Variants in SPOCK1 observed in about 807,000 individuals in gnomAD.
SPOCK1 encodes the protein SPARC (osteonectin), cwcv and kazal like domains proteoglycan 1, also known as testican-1.
Under a neutral mutation model 55.3 loss-of-function variants are expected in SPOCK1, and 23 were observed. That is an observed-to-expected ratio of 0.42 (90% CI 0.30 to 0.59). The LOEUF (loss-of-function observed/expected upper bound fraction) is 0.59, where lower values mean the gene tolerates loss of function less well. Ranked by LOEUF, SPOCK1 falls within the 20% of genes least tolerant of loss-of-function variation. The pLI, the probability that SPOCK1 is intolerant of heterozygous loss-of-function variation, is 0.22. For missense variants in SPOCK1, 499 were observed against 552.5 expected (o/e 0.90, Z 0.97); for synonymous variants, 226 against 221.0 (o/e 1.02, Z -0.20).
In SPOCK1 at chr5:136,975,549, G is replaced by A. The variant is rs759967741; in HGVS notation, c.*3105C>T. 1 of 152,384 alleles carries A rather than the reference G, an allele frequency of 6.6e-6. No homozygotes were observed. The highest frequency in any genetic ancestry group is 2.4e-5 in the African/African-American group (1 of 41,414). 9.4% of individuals were successfully genotyped at this position (152,384 alleles called of 1,614,324 possible). On this transcript the variant is annotated 3_prime_UTR_variant, in exon 11 of 11. Coordinates refer to ENST00000394945, the MANE Select transcript of SPOCK1 (RefSeq NM_004598.4). Reference sequence around the variant, plus strand: ...AACAGGAACAAACATCAGTGACTTTGAGAAAAAGTTATAAAAAGACCAAAA... The same window carrying A: ...AACAGGAACAAACATCAGTGACTTTAAGAAAAAGTTATAAAAAGACCAAAA...
chr5:137,365,846 T>A (rs1434333373), intron 2 of SPOCK1, among the ~76,000 whole-genome samples: 3 of 152,246 alleles, frequency 2.0e-5, no homozygotes, highest in African/African-American at 7.2e-5. Flanking sequence ...ATCAAAGCTG[T>A]TTTTGTAACT....
chr5:137,252,670 TGA>T (rs957842537), intron 3 of SPOCK1, among the ~76,000 whole-genome samples: 7 of 152,236 alleles, frequency 4.6e-5, no homozygotes, highest in African/African-American at 1.7e-4. Context: ...CCTCTTCATC[TGA>T]GAGTGGTAGG....
At chr5:137,123,873 T>G (rs757424) in intron 4 of SPOCK1, among the ~76,000 whole-genome samples, 1 of 151,806 alleles carries the variant, frequency 6.6e-6, no homozygotes, top group Admixed American at 6.6e-5. Context: ...ATGAGATAGA[T>G]CCACAAAAAT....
chr5:137,075,026 A>C (rs572402285), intron 5 of SPOCK1, among the ~76,000 whole-genome samples: 5 of 152,118 alleles, frequency 3.3e-5, no homozygotes, highest in African/African-American at 1.2e-4. Flanking sequence ...TTTAGTACAG[A>C]CCGGGTTTCA....
At chr5:137,283,005 T>C (rs1757195136) in intron 2 of SPOCK1, among the ~76,000 whole-genome samples, 1 of 152,188 alleles carries the variant, frequency 6.6e-6, no homozygotes, top group Admixed American at 6.5e-5. Context: ...ACAATCCAAC[T>C]GCAAGTGTGC....
At chr5:137,191,088 C>G (rs1290902046) in intron 3 of SPOCK1, among the ~76,000 whole-genome samples, 1 of 152,144 alleles carries the variant, frequency 6.6e-6, no homozygotes, top group Non-Finnish European at 1.5e-5. Flanking sequence ...ATTCTTCTGT[C>G]TTATTTTCCC....
Position 137,497,527 on chromosome 5 carries a change from C to T in SPOCK1, c.186+846G>A, listed in dbSNP as rs779785081. 3.9e-5 allele frequency among the ~76,000 whole-genome samples: 6 copies of T among 152,298 alleles called. No homozygotes were observed. In the East Asian group the frequency reaches 5.8e-4, roughly 15 times the overall value. On this transcript the variant is annotated intron_variant, in intron 2 of 10. Coordinates refer to ENST00000394945, the MANE Select transcript of SPOCK1 (RefSeq NM_004598.4). ...GGCAGTCCTTGAAGAAGCTGGCAGA[C>T]GCTCCCACAGAACAGAGGAGATGCC...
At chr5:137,097,141 G>A (rs777859900) in intron 5 of SPOCK1, among the ~76,000 whole-genome samples, 5 of 127,172 alleles carry the variant, frequency 3.9e-5, no homozygotes, top group Admixed American at 8.2e-5. Flanking sequence ...CTTACACACA[G>A]GGAGGAGCTG....
intron 2 of SPOCK1, among the ~76,000 whole-genome samples, chr5:137,469,839 C>A (rs1473349168): frequency 1.3e-5 from 2 of 152,116 alleles, no homozygotes; most frequent in Non-Finnish European, 2.9e-5. Flanking sequence ...CACCCCCACC[C>A]AAGAGGCTAT....
chr5:137,220,356 C>A (rs547822376), intron 3 of SPOCK1, among the ~76,000 whole-genome samples: 1 of 152,180 alleles, frequency 6.6e-6, no homozygotes, highest in Admixed American at 6.5e-5. Flanking sequence ...CAGTGCCCCC[C>A]AGGATGCATT....
chr5:137,307,980 T>C (rs1372270360), intron 2 of SPOCK1, among the ~76,000 whole-genome samples: 1 of 152,206 alleles, frequency 6.6e-6, no homozygotes, highest in African/African-American at 2.4e-5. Context: ...GAAATGAATG[T>C]GATGCCATGA....
At chr5:137,308,179 G>A (rs9327783) in intron 2 of SPOCK1, among the ~76,000 whole-genome samples, 44,293 of 152,034 alleles carry the variant, frequency 0.29, 7,383 homozygotes, top group African/African-American at 0.45. Context: ...TGCAGGGCAT[G>A]CAAAAGTACT....
chr5:137,319,201 C>T (rs73294937), intron 2 of SPOCK1, among the ~76,000 whole-genome samples: 6,156 of 152,294 alleles, frequency 0.04, 437 homozygotes, highest in African/African-American at 0.14. Context: ...AGCTGCCTCT[C>T]ATCAGAGAAC....
intron 2 of SPOCK1, among the ~76,000 whole-genome samples, chr5:137,306,314 A>G (rs116172696): frequency 8.9e-4 from 135 of 152,304 alleles, no homozygotes; most frequent in African/African-American, 3.1e-3. Context: ...TTAAAATGGA[A>G]GTTCTCATCC....
intron 2 of SPOCK1, among the ~76,000 whole-genome samples, chr5:137,328,650 A>G (rs777956358): frequency 4.6e-5 from 7 of 152,192 alleles, no homozygotes; most frequent in Non-Finnish European, 8.8e-5. Context: ...TATATGAATT[A>G]TTTAATTTTC....
At chr5:137,056,029 G>A (rs1021740239) in intron 6 of SPOCK1, among the ~76,000 whole-genome samples, 4 of 152,184 alleles carry the variant, frequency 2.6e-5, no homozygotes, top group African/African-American at 9.7e-5. Context: ...GTACATAAAT[G>A]TGCCTGGAAA....
intron 3 of SPOCK1, among the ~76,000 whole-genome samples, chr5:137,157,332 CATG>C (rs1754435651): frequency 6.6e-6 from 1 of 152,220 alleles, no homozygotes; most frequent in Non-Finnish European, 1.5e-5. Context: ...TGGCAAACAA[CATG>C]ATAACTTCTT....
chr5:137,051,441 G>A (rs1047910678), intron 6 of SPOCK1, among the ~76,000 whole-genome samples: 1 of 152,146 alleles, frequency 6.6e-6, no homozygotes, highest in Admixed American at 6.5e-5. Context: ...CATCAAACAT[G>A]AAAAATTCAA....
At chr5:137,364,387 A>G (rs1410323620) in intron 2 of SPOCK1, among the ~76,000 whole-genome samples, 4 of 152,202 alleles carry the variant, frequency 2.6e-5, no homozygotes, top group African/African-American at 9.6e-5. Flanking sequence ...TTTATCTGCC[A>G]GTGGAAAGCT....
Sources: gnomAD v4.1 joint callset for allele counts (sites outside exome capture counted in the v4.1 genomes callset) on GRCh38, gnomAD v4.1.1 for gene constraint, MANE v1.5 for transcripts, NCBI Gene and HGNC (gene_info 2026-07-23, HGNC 2026-07-21) for gene names.